The following PCA3 variants were observed in gnomAD, a reference collection of about 807,000 sequenced individuals.
PCA3 encodes prostate cancer associated 3.
chr9:76,781,604 T>C (rs1314204430), intron 2 of PCA3, among the ~76,000 whole-genome samples: 1 of 152,246 alleles, frequency 6.6e-6, no homozygotes, highest in Non-Finnish European at 1.5e-5. Context: ...TATAACAGCA[T>C]CCAATCATTT....
chr9:76,767,551 A>G (rs2052551638), intron 2 of PCA3, among the ~76,000 whole-genome samples: 1 of 152,100 alleles, frequency 6.6e-6, no homozygotes, highest in South Asian at 2.1e-4. Flanking sequence ...CTTTAAAAAG[A>G]AAAAGAACTA....
intron 2 of PCA3, among the ~76,000 whole-genome samples, chr9:76,770,770 C>T (rs906647605): frequency 6.6e-6 from 1 of 152,010 alleles, no homozygotes; most frequent in Non-Finnish European, 1.5e-5. Flanking sequence ...GAAAGTGAAG[C>T]CCAAAATCAT....
intron 2 of PCA3, among the ~76,000 whole-genome samples, chr9:76,776,913 C>CACACACACACACACAA (rs2053849645): frequency 6.7e-6 from 1 of 148,624 alleles, no homozygotes. Flanking sequence ...CACACACACA[C>CACACACACACACACAA]ACACACACAC....
rs369090464 is a variant in PCA3, at chr9:76,774,518, G to T, written n.853-34065G>T. ...TTCTTGCCCAGGCTAGAGTGCAGTG[G>T]CACGATCTCGGCTCACTGCAACCTC... is the stretch of plus-strand genomic sequence containing the variant. On this transcript the variant is annotated intron_variant and non_coding_transcript_variant, in intron 2 of 5. Transcript: ENST00000644657. 2.7e-4 allele frequency among the ~76,000 whole-genome samples: 39 copies of T among 142,182 alleles called. 1 individual carries two copies. The South Asian group carries it at 8.3e-3, about 30-fold the overall frequency. 93.3% of individuals were successfully genotyped at this position (142,182 alleles called of 152,430 possible).
intron 2 of PCA3, among the ~76,000 whole-genome samples, chr9:76,777,104 A>C (rs73460272): frequency 0.038 from 5,842 of 151,982 alleles, 390 homozygotes; most frequent in African/African-American, 0.13. Flanking sequence ...TTGAGGTTGT[A>C]TATTGCTGAG....
intron 2 of PCA3, among the ~76,000 whole-genome samples, chr9:76,769,208 C>A (rs943353288): frequency 1.1e-4 from 17 of 152,310 alleles, no homozygotes; most frequent in African/African-American, 3.6e-4. Flanking sequence ...TCGTATAAAT[C>A]TCTTGCCCTT....
intron 2 of PCA3, chr9:76,782,704 C>G (rs1306718573): frequency 6.6e-6 from 1 of 152,154 alleles, no homozygotes; most frequent in African/African-American, 2.4e-5. Context: ...TCAATGAACA[C>G]CAAGATAAAT....
In PCA3 at chr9:76,771,513, G is replaced by A. The variant is rs1287437477; in HGVS notation, n.852+34898G>A. On this transcript the variant is annotated intron_variant and non_coding_transcript_variant, in intron 2 of 5. Coordinates refer to ENST00000644657, the Ensembl canonical transcript of PCA3. ...AATGTGACATGAAGGCAGGTACAAT[G>A]AGGAAGACTACGGTGAGTCGGGGGT... Among the ~76,000 whole-genome samples the A allele has an allele frequency of 3.3e-5, 5 of 152,318 alleles. No individual in the cohort carries two copies. In the East Asian group the frequency reaches 9.6e-4, roughly 29 times the overall value.
At chr9:76,783,222 C>T (rs1028952283) in intron 2 of PCA3, among the ~76,000 whole-genome samples, 3 of 152,194 alleles carry the variant, frequency 2.0e-5, no homozygotes, top group Admixed American at 1.3e-4. Context: ...CTGCAACCTC[C>T]GCCTCCCATG....
rs1479921525 is a variant in PCA3 at position 76,768,577 on chromosome 9, ATATGTATGTGTGTGTGTG to A, written n.852+31964_852+31981del. ...TATCTTTGGGTTGATATATATATGT[ATATGTATGTGTGTGTGTG>A]TGTGTGTGTGTGTGTGTGTGTGTGT... is the stretch of plus-strand genomic sequence containing the variant. On this transcript the variant is annotated intron_variant and non_coding_transcript_variant, in intron 2 of 5. Transcript: ENST00000644657. Among the ~76,000 whole-genome samples the A allele has an allele frequency of 4.2e-3, 414 of 98,188 alleles. 3 individuals carry two copies. Among genetic ancestry groups the A allele is most frequent in the South Asian group, 0.019 (42 of 2,202 alleles). 64.4% of individuals were successfully genotyped at this position (98,188 alleles called of 152,430 possible).
chr9:76,769,705 G>A (rs1448022766), intron 2 of PCA3, among the ~76,000 whole-genome samples: 4 of 152,184 alleles, frequency 2.6e-5, no homozygotes, highest in East Asian at 1.9e-4. Context: ...GATTACAGGC[G>A]TGAAACACTT....
chr9:76,778,818 T>C (rs2054071803), intron 2 of PCA3: 3 of 152,254 alleles, frequency 2.0e-5, no homozygotes, highest in Non-Finnish European at 4.4e-5. Flanking sequence ...CCAAATTTAA[T>C]ATATGTCAGA....
chr9:76,782,916 T>C (rs544498134), intron 2 of PCA3: 5 of 152,366 alleles, frequency 3.3e-5, no homozygotes, highest in African/African-American at 1.2e-4. Flanking sequence ...GCTAGCTGTG[T>C]ACCCTCTGCA....
chr9:76,773,034 T>A (rs7025345), intron 2 of PCA3, among the ~76,000 whole-genome samples: 82,693 of 152,110 alleles, frequency 0.54, 24,133 homozygotes, highest in African/African-American at 0.76. Flanking sequence ...AATTTGTATT[T>A]AGAAACAAAA....
chr9:76,774,464 T>TTTTTTTTA (rs2053514093), intron 2 of PCA3, among the ~76,000 whole-genome samples: 2 of 142,780 alleles, frequency 1.4e-5, no homozygotes, highest in Non-Finnish European at 3.1e-5. Context: ...TTTTTTTTTT[T>TTTTTTTTA]TTTTTTTTTT....
intron 2 of PCA3, chr9:76,782,674 C>T (rs1283851407): frequency 6.6e-6 from 1 of 152,186 alleles, no homozygotes; most frequent in Middle Eastern, 3.2e-3. Flanking sequence ...TAAGGAATTA[C>T]AACACATATA....
chr9:76,772,424 C>T (rs928262852), intron 2 of PCA3, among the ~76,000 whole-genome samples: 6 of 152,140 alleles, frequency 3.9e-5, no homozygotes, highest in Non-Finnish European at 7.3e-5. Flanking sequence ...TCACTTGCTA[C>T]GTAGTCTTGA....
At chr9:76,770,563 G>A (rs1207603032) in intron 2 of PCA3, among the ~76,000 whole-genome samples, 1 of 151,988 alleles carries the variant, frequency 6.6e-6, no homozygotes, top group African/African-American at 2.4e-5. Flanking sequence ...AAATATTATG[G>A]TAAAATTAAA....
chr9:76,766,710 T>G (rs2052433899), intron 2 of PCA3, among the ~76,000 whole-genome samples: 1 of 152,116 alleles, frequency 6.6e-6, no homozygotes, highest in African/African-American at 2.4e-5. Context: ...TTGCTCCTGC[T>G]TTAGGGCCTT....
Sources: gnomAD v4.1 joint callset for allele counts (sites outside exome capture counted in the v4.1 genomes callset) on GRCh38, gnomAD v4.1.1 for gene constraint, MANE v1.5 for transcripts, NCBI Gene and HGNC (gene_info 2026-07-23, HGNC 2026-07-21) for gene names.